CHD7: variants seen among roughly 807,000 people sequenced by gnomAD.
CHD7 encodes ATP-dependent chromatin remodeler CHD7.
A neutral mutation model predicts 307.3 loss-of-function variants in CHD7; 24 were observed. That is an observed-to-expected ratio of 0.08 (90% CI 0.06 to 0.11). The LOEUF (loss-of-function observed/expected upper bound fraction) is 0.11, where lower values mean the gene tolerates loss of function less well. Ranked by LOEUF, CHD7 falls within the 10% of genes least tolerant of loss-of-function variation. The pLI, the probability that CHD7 is intolerant of heterozygous loss-of-function variation, is 1.00. For missense variants in CHD7, 3,106 were observed against 3,727.1 expected, an observed-to-expected ratio of 0.83 and a Z score of 4.34; for synonymous variants, 1,363 against 1,349.9, an observed-to-expected ratio of 1.01 and a Z score of -0.21.
intron 13 of CHD7, among the ~76,000 whole-genome samples, chr8:60,826,526 C>T (rs749525198): frequency 7.2e-5 from 11 of 152,214 alleles, no homozygotes; most frequent in African/African-American, 1.4e-4. Context: ...TATCCAACTA[C>T]GGCACAGGCC....
chr8:60,801,234 A>G (rs1812296389), intron 5 of CHD7, among the ~76,000 whole-genome samples: 1 of 152,188 alleles, frequency 6.6e-6, no homozygotes, highest in African/African-American at 2.4e-5. Context: ...GCTAACGTGC[A>G]GAGATTATTT....
intron 3 of CHD7, among the ~76,000 whole-genome samples, chr8:60,788,738 C>T (rs772794917): frequency 3.9e-5 from 6 of 152,162 alleles, no homozygotes; most frequent in Non-Finnish European, 7.4e-5. Flanking sequence ...GCACTGAGCA[C>T]TAGTGGGGCC....
chr8:60,856,630 G>A lies in CHD7; in HGVS notation c.7350G>A (p.Glu2450=), dbSNP rs779273740. The part of the protein sequence containing the change: ...KVVDLSKASR[E]ATSSTSNFSS... Reference sequence around the variant, plus strand: ...TAGATTTATCAAAGGCCTCAAGAGAGGCAACAAGCTCTACCTCAAATTTTT... The same window carrying A: ...TAGATTTATCAAAGGCCTCAAGAGAAGCAACAAGCTCTACCTCAAATTTTT... Residue 2450 remains glutamate, a synonymous_variant, in exon 34 of 38, where the codon GAG becomes GAA. Transcript: ENST00000423902. 10 of 1,613,962 alleles carry A rather than the reference G, an allele frequency of 6.2e-6. No homozygotes were observed. The highest frequency in any genetic ancestry group is 2.7e-5 in the African/African-American group (2 of 75,032).
chr8:60,787,284 C>T (rs529964603), intron 3 of CHD7, among the ~76,000 whole-genome samples: 1 of 152,064 alleles, frequency 6.6e-6, no homozygotes, highest in Non-Finnish European at 1.5e-5. Flanking sequence ...TGTTAGCCAC[C>T]CTGGCAGATT....
chr8:60,827,248 TAA>T lies in CHD7; in HGVS notation c.3379-1403_3379-1402del, dbSNP rs11323480. On this transcript the variant is annotated intron_variant, in intron 13 of 37. Coordinates refer to ENST00000423902, the MANE Select transcript of CHD7 (RefSeq NM_017780.4). Reference sequence around the variant, plus strand: ...ATGTACCCTAAAACTTAAAGTATAATAAAAAAAAAAAAAGAAAGGAGTTCTTT... The same window carrying T: ...ATGTACCCTAAAACTTAAAGTATAATAAAAAAAAAAAGAAAGGAGTTCTTT... Among the ~76,000 whole-genome samples, 289 of 138,552 alleles carry T rather than the reference TAA, an allele frequency of 2.1e-3. 1 individual carries two copies. Among genetic ancestry groups the T allele is most frequent in the Middle Eastern group, 7.1e-3 (2 of 280 alleles). The allele number at this position is 138,552 out of a possible 152,430, so 90.9% of individuals were successfully genotyped here.
intron 15 of CHD7, among the ~76,000 whole-genome samples, chr8:60,831,094 C>G (rs551808135): frequency 1.3e-5 from 2 of 152,288 alleles, no homozygotes; most frequent in South Asian, 4.1e-4. Flanking sequence ...TGGCCCTCCT[C>G]TTTTCTTAAC....
intron 1 of CHD7, among the ~76,000 whole-genome samples, chr8:60,684,282 A>G (rs985142554): frequency 6.6e-6 from 1 of 152,154 alleles, no homozygotes; most frequent in South Asian, 2.1e-4. Flanking sequence ...TCCTCTGTGC[A>G]TGTCAGGATT....
chr8:60,694,452 G>A (rs1175113309), intron 1 of CHD7, among the ~76,000 whole-genome samples: 4 of 152,232 alleles, frequency 2.6e-5, no homozygotes, highest in Non-Finnish European at 2.9e-5. Flanking sequence ...CTAAGAAGGC[G>A]TGATGTGTTG....
intron 2 of CHD7, among the ~76,000 whole-genome samples, chr8:60,780,328 C>T (rs1486171751): frequency 6.6e-6 from 1 of 152,144 alleles, no homozygotes. Context: ...TTATCTCTCC[C>T]TTGGTGAAAT....
chr8:60,846,795 A>T (rs1313648478), intron 23 of CHD7, among the ~76,000 whole-genome samples: 1 of 152,276 alleles, frequency 6.6e-6, no homozygotes, highest in Non-Finnish European at 1.5e-5. Context: ...GAAAACTGAG[A>T]CTAAAGTTGA....
intron 2 of CHD7, among the ~76,000 whole-genome samples, chr8:60,772,236 T>C (rs924441667): frequency 6.6e-6 from 1 of 152,346 alleles, no homozygotes; most frequent in East Asian, 1.9e-4. Context: ...TGATTTTTTT[T>C]CCCTTCAAAA....
intron 2 of CHD7, among the ~76,000 whole-genome samples, chr8:60,766,934 G>GA (rs1453046479): frequency 6.6e-6 from 1 of 152,118 alleles, no homozygotes; most frequent in Non-Finnish European, 1.5e-5. Context: ...CGCTGGGAGA[G>GA]AAAAAAGCAC....
intron 19 of CHD7, among the ~76,000 whole-genome samples, chr8:60,839,069 G>A (rs1684251101): frequency 6.6e-6 from 1 of 152,182 alleles, no homozygotes; most frequent in South Asian, 2.1e-4. Context: ...ATGCTCATTA[G>A]CAATCATTCC....
intron 3 of CHD7, among the ~76,000 whole-genome samples, chr8:60,782,837 T>C (rs758723192): frequency 1.8e-4 from 28 of 152,232 alleles, no homozygotes; most frequent in Non-Finnish European, 4.0e-4. Flanking sequence ...AGAATTTTAG[T>C]GTGACTTTAT....
At chr8:60,764,074 G>A (rs949625667) in intron 2 of CHD7, among the ~76,000 whole-genome samples, 1 of 151,990 alleles carries the variant, frequency 6.6e-6, no homozygotes, top group Admixed American at 6.6e-5. Flanking sequence ...TGCAAGCTCC[G>A]CCTCCCGGGT....
intron 1 of CHD7, among the ~76,000 whole-genome samples, chr8:60,688,981 G>A (rs1174369057): frequency 2.0e-5 from 3 of 152,162 alleles, no homozygotes; most frequent in African/African-American, 4.8e-5. Context: ...GTAGGCTTGG[G>A]TTGGGGTCAG....
At chr8:60,861,782 C>G (rs1394709288) in intron 35 of CHD7, 1 of 155,896 alleles carries the variant, frequency 6.4e-6, no homozygotes, top group Non-Finnish European at 1.4e-5. Flanking sequence ...TACCCCCACC[C>G]CCTACAAGAT....
chr8:60,798,746 C>CT (rs1812149583), intron 4 of CHD7, among the ~76,000 whole-genome samples: 1 of 152,118 alleles, frequency 6.6e-6, no homozygotes, highest in Non-Finnish European at 1.5e-5. Flanking sequence ...CTTCTTTGTG[C>CT]TTTGCAAACT....
intron 1 of CHD7, among the ~76,000 whole-genome samples, chr8:60,707,399 T>G (rs1390055099): frequency 6.6e-6 from 1 of 152,212 alleles, no homozygotes; most frequent in East Asian, 1.9e-4. Context: ...TCCTGCTAGA[T>G]TTGGAGATTG....
Sources: allele counts gnomAD v4.1 joint callset (sites outside exome capture counted in the v4.1 genomes callset), GRCh38; gene constraint gnomAD v4.1.1; transcripts MANE v1.5; gene names NCBI Gene and HGNC (gene_info 2026-07-23, HGNC 2026-07-21).